Variants in PUM1 observed in about 807,000 individuals in gnomAD.
PUM1 encodes pumilio RNA binding family member 1, also known as pumilio homolog 1.
In PUM1, 13 loss-of-function variants were observed where a neutral mutation model predicts 131.8. The ratio of observed to expected loss-of-function variants is 0.10; its 90% confidence interval spans 0.06 to 0.16. PUM1 has a LOEUF of 0.16. PUM1 is among the 10% of genes least tolerant of loss of function. The pLI is 1.00. For synonymous variants in PUM1, 509 were observed against 556.5 expected, an observed-to-expected ratio of 0.91 and a Z score of 1.20; for missense variants, 961 against 1,512.4, an observed-to-expected ratio of 0.64 and a Z score of 6.05.
intron 5 of PUM1, among the ~76,000 whole-genome samples, chr1:30,995,519 A>T (rs896768329): frequency 6.7e-6 from 1 of 149,286 alleles, no homozygotes. Flanking sequence ...TTTTCTTCCT[A>T]CCCAAAGCCC....
chr1:30,948,075 T>C (rs1016776667), intron 17 of PUM1, among the ~76,000 whole-genome samples: 53 of 152,028 alleles, frequency 3.5e-4, no homozygotes, highest in Admixed American at 5.9e-4. Context: ...CTCAAACTCC[T>C]GGGCCCTAGC....
At chr1:31,060,627 C>T (rs1255965852) in intron 1 of PUM1, among the ~76,000 whole-genome samples, 1 of 152,014 alleles carries the variant, frequency 6.6e-6, no homozygotes, top group African/African-American at 2.4e-5. Context: ...TGGCTCACGC[C>T]TATAATCCCA....
At chr1:30,999,704 A>G (rs1224431425) in intron 5 of PUM1, among the ~76,000 whole-genome samples, 1 of 149,186 alleles carries the variant, frequency 6.7e-6, no homozygotes, top group African/African-American at 2.5e-5. Flanking sequence ...CTTACTGGTC[A>G]CAGGACTTTG....
At chr1:30,952,826 T>G (rs1439607764) in intron 15 of PUM1, among the ~76,000 whole-genome samples, 1 of 151,800 alleles carries the variant, frequency 6.6e-6, no homozygotes, top group Non-Finnish European at 1.5e-5. Flanking sequence ...CTTACTATAT[T>G]CTTTAACTTA....
intron 12 of PUM1, 47 bp downstream of exon 12, chr1:30,967,120 C>G: frequency 6.2e-7 from 1 of 1,602,710 alleles, no homozygotes; most frequent in Non-Finnish European, 8.5e-7. Context: ...CACTATCAGT[C>G]GCCACTTTTA....
chr1:30,968,324 A>T, intron 11 of PUM1, 30 bp downstream of exon 11: 1 of 1,587,628 alleles, frequency 6.3e-7, no homozygotes. Flanking sequence ...TTTCCCTGCC[A>T]AAGTATTAGG....
rs1639223410 is a variant in PUM1, at chr1:30,936,676, C to T, written c.3402G>A (p.Ala1134=). 2.5e-6 allele frequency: 4 copies of T among 1,614,038 alleles called. No individual in the cohort carries two copies. Among genetic ancestry groups the T allele is most frequent in the East Asian group, 2.2e-5 (1 of 44,858 alleles). The part of the protein sequence containing the change: ...NYVVQKMIDV[A]EPGQRKIVMH... Reference sequence around the variant, plus strand: ...TGACGATCTTCCGCTGGCCTGGCTCCGCCACGTCAATCATCTTCTGGACCA... The same window carrying T: ...TGACGATCTTCCGCTGGCCTGGCTCTGCCACGTCAATCATCTTCTGGACCA... Residue 1134 remains alanine (A), a synonymous_variant, in exon 21 of 22, where the codon GCG becomes GCA. Coordinates refer to ENST00000426105, the MANE Select transcript of PUM1 (RefSeq NM_001020658.2).
rs1334040185 is a variant in PUM1 at position 30,953,880 on chromosome 1, T to C, written c.2425A>G (p.Ser809Gly). ...AAACGAGAGGAAGAGAAAAGAGTGC[T>C]GCTCGGGCTGAAGAGGCTGGAGGCG... ...SSASSLFSPS[S>G]TLFSSSRLRY... Residue 809 changes from serine to glycine, a missense_variant, in exon 15 of 22, where the codon AGC becomes GGC. By Grantham distance (56) the Ser-to-Gly change is moderately conservative (BLOSUM62 0). Around this residue, in one of 4 missense-constraint regions of PUM1, gnomAD observed 117 missense variants for 200.7 expected, o/e 0.58. Transcript: ENST00000426105. 6.8e-6 allele frequency: 11 copies of C among 1,614,124 alleles called. No individual in the cohort carries two copies. The highest frequency in any genetic ancestry group is 9.3e-6 in the Non-Finnish European group (11 of 1,180,042).
At chr1:30,949,055 T>C (rs1174735428) in intron 17 of PUM1, 1 of 456,176 alleles carries the variant, frequency 2.2e-6, no homozygotes, top group Non-Finnish European at 4.4e-6. Context: ...CAACTGCCAC[T>C]GCCAACACCA....
At chr1:30,954,694 A>G (rs143863423) in intron 14 of PUM1, among the ~76,000 whole-genome samples, 226 of 152,330 alleles carry the variant, frequency 1.5e-3, no homozygotes, top group Middle Eastern at 6.8e-3. Flanking sequence ...GCCACTGATA[A>G]TGCTGTTTTG....
At chr1:31,058,398 C>T (rs546049054) in intron 2 of PUM1, among the ~76,000 whole-genome samples, 2 of 152,152 alleles carry the variant, frequency 1.3e-5, no homozygotes, top group East Asian at 1.9e-4. Context: ...CAGTGGCTCA[C>T]GCCTGTAATC....
At chr1:31,044,028 A>T (rs566896698) in intron 2 of PUM1, among the ~76,000 whole-genome samples, 1 of 152,334 alleles carries the variant, frequency 6.6e-6, no homozygotes, top group African/African-American at 2.4e-5. Flanking sequence ...ATAATAGCCA[A>T]AAAAGAAGAA....
intron 2 of PUM1, among the ~76,000 whole-genome samples, chr1:31,045,222 C>T (rs773097916): frequency 2.0e-5 from 3 of 152,012 alleles, no homozygotes; most frequent in Non-Finnish European, 2.9e-5. Flanking sequence ...ACCTCCGCCC[C>T]GACAGGGTTC....
In PUM1 at chr1:31,059,509, G is replaced by A. The variant is rs1218121060; in HGVS notation, c.58C>T (p.Pro20Ser). Residue 20 changes from proline to serine, a missense_variant, in exon 2 of 22, where the codon CCC (proline) becomes TCC (serine). Coordinates refer to ENST00000426105, the MANE Select transcript of PUM1 (RefSeq NM_001020658.2). ...KAVLWQDSFS[P>S]HLKHHPQEPA... is the part of the protein sequence containing the mutation. ...TCTTGAGGGTGATGTTTCAGGTGGG[G>A]GCTGAAAGAGTCCTGCCAAAGCACT... The A allele has an allele frequency of 1.2e-6, 2 of 1,613,926 alleles. No individual in the cohort carries two copies. Among genetic ancestry groups the A allele is most frequent in the African/African-American group, 2.7e-5 (2 of 74,918 alleles).
At chr1:31,060,940 G>C (rs1409538620) in intron 1 of PUM1, among the ~76,000 whole-genome samples, 1 of 151,230 alleles carries the variant, frequency 6.6e-6, no homozygotes, top group Non-Finnish European at 1.5e-5. Flanking sequence ...CCAATATATT[G>C]ATAGGATATT....
chr1:30,963,255 C>A (rs894695350), intron 14 of PUM1, among the ~76,000 whole-genome samples: 1 of 152,164 alleles, frequency 6.6e-6, no homozygotes, highest in Non-Finnish European at 1.5e-5. Flanking sequence ...AGTTTGACAG[C>A]TCTCTCCAGA....
chr1:30,963,645 T>A (rs1051841767), intron 14 of PUM1, among the ~76,000 whole-genome samples: 1 of 152,202 alleles, frequency 6.6e-6, no homozygotes, highest in African/African-American at 2.4e-5. Flanking sequence ...GAAGGCATCC[T>A]GTTTGTTTTT....
intron 3 of PUM1, among the ~76,000 whole-genome samples, chr1:31,018,482 C>CT (rs1225662311): frequency 7.9e-6 from 1 of 126,654 alleles, no homozygotes; most frequent in Non-Finnish European, 1.9e-5. Context: ...TGTGGTGAAA[C>CT]CCCGTCTCTA....
At chr1:30,936,338 G>A (rs1639209384) in intron 21 of PUM1, among the ~76,000 whole-genome samples, 1 of 152,198 alleles carries the variant, frequency 6.6e-6, no homozygotes, top group Admixed American at 6.5e-5. Context: ...AGGGAGGAGT[G>A]AGAAAAGGAA....
Sources: gnomAD v4.1 joint callset for allele counts (sites outside exome capture counted in the v4.1 genomes callset) on GRCh38, gnomAD v4.1.1 for gene constraint, gnomAD v4.1.1 regional missense constraint, MANE v1.5 for transcripts, NCBI Gene and HGNC (gene_info 2026-07-23, HGNC 2026-07-21) for gene names.